Variants in HMGB1 observed in about 807,000 individuals in gnomAD.
HMGB1 encodes the protein high mobility group box 1, also known as high mobility group protein B1.
For missense variants in HMGB1, 79 were observed against 253.5 expected (o/e 0.31, Z 4.67); for synonymous variants, 81 against 84.0 (o/e 0.96, Z 0.19).
chr13:30,479,091 A>G (rs958379702), intron 1 of HMGB1, among the ~76,000 whole-genome samples: 2 of 152,134 alleles, frequency 1.3e-5, no homozygotes, highest in African/African-American at 4.8e-5. Flanking sequence ...TACTCTAGAA[A>G]CTGTTCCCTA....
chr13:30,609,135 A>G (rs1245989557), intron 1 of HMGB1, among the ~76,000 whole-genome samples: 1 of 152,050 alleles, frequency 6.6e-6, no homozygotes, highest in Non-Finnish European at 1.5e-5. Context: ...TAGTGGTGGG[A>G]GCCTGTAGTC....
chr13:30,591,027 CTTTTTTTTTTT>C (rs910554887), intron 1 of HMGB1, among the ~76,000 whole-genome samples: 4 of 109,944 alleles, frequency 3.6e-5, no homozygotes, highest in Admixed American at 9.5e-5. Flanking sequence ...GAGGCAGGGC[CTTTTTTTTTTT>C]TTTTTTTTTT....
At position 30,456,852 on chromosome 13, in the gene HMGB1, A is replaced by G. The variant is rs1222369052; in HGVS notation, c.*4505T>C. The G allele has an allele frequency of 6.8e-6, 1 of 146,196 alleles. No homozygotes were observed. The highest frequency in any genetic ancestry group is 2.5e-5 in the African/African-American group (1 of 39,404). The allele number at this position is 146,196 out of a possible 1,614,324, so 9.1% of individuals were successfully genotyped here. A position where few individuals can be genotyped will look rare whatever the true frequency, so the allele number is the denominator to read the frequency against. ...GACTCAGCAGTTCTACTTTTGAGGT[A>G]TCTGAAGACCCACACATGCCTGAGA... is the stretch of plus-strand genomic sequence containing the variant. On this transcript the variant is annotated 3_prime_UTR_variant, in exon 5 of 5. Transcript: ENST00000341423.
At chr13:30,472,596 A>C (rs1886971863) in intron 1 of HMGB1, among the ~76,000 whole-genome samples, 1 of 150,012 alleles carries the variant, frequency 6.7e-6, no homozygotes. Flanking sequence ...GAAAGACTCC[A>C]TTTCAAAACA....
intron 1 of HMGB1, among the ~76,000 whole-genome samples, chr13:30,564,281 A>T (rs1870090759): frequency 2.3e-5 from 1 of 42,678 alleles, no homozygotes; most frequent in South Asian, 1.3e-3. Context: ...AAAAATGCAA[A>T]AAAAAAAAAA....
intron 1 of HMGB1, chr13:30,540,582 CT>C (rs373841770): frequency 6.7e-3 from 886 of 132,554 alleles, no homozygotes; most frequent in African/African-American, 0.015. Context: ...ACACTTTAGT[CT>C]TTTTTTTTTT....
intron 1 of HMGB1, among the ~76,000 whole-genome samples, chr13:30,579,086 G>T (rs1870788287): frequency 6.6e-6 from 1 of 152,152 alleles, no homozygotes; most frequent in Non-Finnish European, 1.5e-5. Flanking sequence ...TCTCATCTTT[G>T]TATGTCCTGG....
chr13:30,594,585 T>G (rs1294896150), intron 1 of HMGB1, among the ~76,000 whole-genome samples: 1 of 152,240 alleles, frequency 6.6e-6, no homozygotes, highest in African/African-American at 2.4e-5. Flanking sequence ...CTGTGTAGTA[T>G]TCCATGTTGT....
chr13:30,464,527 G>A, intron 1 of HMGB1: 1 of 984,768 alleles, frequency 1.0e-6, no homozygotes, highest in Non-Finnish European at 1.2e-6. Context: ...AGAGGACGCG[G>A]CCCGGCTCCC....
chr13:30,593,022 CCT>C (rs916783884), intron 1 of HMGB1, among the ~76,000 whole-genome samples: 1 of 152,108 alleles, frequency 6.6e-6, no homozygotes, highest in Non-Finnish European at 1.5e-5. Context: ...TCCATATGTA[CCT>C]AAGGCTTATC....
intron 1 of HMGB1, among the ~76,000 whole-genome samples, chr13:30,475,329 C>A (rs1228778690): frequency 6.7e-6 from 1 of 150,254 alleles, no homozygotes; most frequent in East Asian, 1.9e-4. Flanking sequence ...TTCACCCCAC[C>A]CCAAGTAGCT....
intron 1 of HMGB1, among the ~76,000 whole-genome samples, chr13:30,490,241 C>T (rs866182407): frequency 2.0e-5 from 3 of 151,960 alleles, no homozygotes; most frequent in South Asian, 2.1e-4. Context: ...AAGTCTGAAC[C>T]GAGGTTTTAA....
chr13:30,496,900 GCCCA>G lies in HMGB1; in HGVS notation c.-14-33210_-14-33207del, dbSNP rs777499629. 6.6e-5 allele frequency among the ~76,000 whole-genome samples: 10 copies of G among 151,938 alleles called. No individual in the cohort carries two copies. In the South Asian group the frequency reaches 1.7e-3, roughly 25 times the overall value. On this transcript the variant is annotated intron_variant, in intron 1 of 4. Coordinates refer to the HMGB1 transcript ENST00000405805. ...CTGCAACACACACACCACACACACCGCCCACCAATATTCCCGTCATGCCCGGAGC... is the reference window on the plus strand; with the variant it reads ...CTGCAACACACACACCACACACACCGCCAATATTCCCGTCATGCCCGGAGC...
chr13:30,462,797 A>G, intron 3 of HMGB1, 85 bp from the exon 4 acceptor site: 1 of 1,106,296 alleles, frequency 9.0e-7, no homozygotes, highest in South Asian at 1.4e-5. Flanking sequence ...TGCTATTTAA[A>G]GCTGCCTGTG....
intron 1 of HMGB1, among the ~76,000 whole-genome samples, chr13:30,516,887 A>T (rs1417016611): frequency 6.6e-6 from 1 of 152,222 alleles, no homozygotes. Context: ...ATTGCCCTCC[A>T]GCCTGGGTGA....
At chr13:30,613,663 T>C (rs1488615189) in intron 1 of HMGB1, among the ~76,000 whole-genome samples, 1 of 152,208 alleles carries the variant, frequency 6.6e-6, no homozygotes, top group African/African-American at 2.4e-5. Context: ...ATACATGCTC[T>C]CAGGGCTCAC....
intron 1 of HMGB1, among the ~76,000 whole-genome samples, chr13:30,533,934 G>A (rs544298675): frequency 3.4e-5 from 5 of 148,042 alleles, no homozygotes; most frequent in Non-Finnish European, 7.4e-5. Context: ...GTGTGATCTC[G>A]GCTCACCGCA....
chr13:30,616,586 AAAG>A (rs1324797386), intron 1 of HMGB1: 1 of 152,238 alleles, frequency 6.6e-6, no homozygotes, highest in Non-Finnish European at 1.5e-5. Context: ...AATTCATAAA[AAAG>A]AAAAACCTAA....
chr13:30,510,248 T>C (rs982466706), intron 1 of HMGB1, among the ~76,000 whole-genome samples: 1 of 149,990 alleles, frequency 6.7e-6, no homozygotes, highest in Non-Finnish European at 1.5e-5. Context: ...TATGAGTGAA[T>C]GAGTGAGTGG....
Sources: allele counts gnomAD v4.1 joint callset (sites outside exome capture counted in the v4.1 genomes callset), GRCh38; gene constraint gnomAD v4.1.1; transcripts MANE v1.5; gene names NCBI Gene and HGNC (gene_info 2026-07-23, HGNC 2026-07-21).